The following NFIA variants were observed in gnomAD, a reference collection of about 807,000 sequenced individuals.
NFIA encodes the protein nuclear factor 1 A-type.
In NFIA, 8 loss-of-function variants were observed where a neutral mutation model predicts 62.8. The observed-to-expected ratio is 0.13, with a 90% confidence interval of 0.07 to 0.23. The LOEUF (loss-of-function observed/expected upper bound fraction) is 0.23, where lower values mean the gene tolerates loss of function less well. Among genes scored for constraint, NFIA ranks in the 10% least tolerant of loss-of-function variants. The pLI, the probability that NFIA is intolerant of heterozygous loss-of-function variation, is 1.00. For synonymous variants in NFIA, 235 were observed against 238.1 expected (o/e 0.99, Z 0.12); for missense variants, 410 against 642.1 (o/e 0.64, Z 3.91).
intron 3 of NFIA, among the ~76,000 whole-genome samples, chr1:61,296,319 CT>C (rs537419251): frequency 9.2e-5 from 14 of 152,216 alleles, no homozygotes; most frequent in African/African-American, 3.4e-4. Flanking sequence ...AATCTCCAGG[CT>C]TTTTTCTTAT....
chr1:61,396,384 A>G (rs1459142455), intron 7 of NFIA, among the ~76,000 whole-genome samples: 1 of 152,010 alleles, frequency 6.6e-6, no homozygotes, highest in Non-Finnish European at 1.5e-5. Context: ...AGCTGGAATT[A>G]CAGGCACCTG....
intron 2 of NFIA, among the ~76,000 whole-genome samples, chr1:61,147,797 T>G (rs1022514133): frequency 6.6e-6 from 1 of 152,144 alleles, no homozygotes; most frequent in Non-Finnish European, 1.5e-5. Context: ...GCCCTGAAAC[T>G]TCGGTTGGAT....
chr1:61,242,762 T>C (rs530479571), intron 2 of NFIA, among the ~76,000 whole-genome samples: 1 of 152,334 alleles, frequency 6.6e-6, no homozygotes, highest in East Asian at 1.9e-4. Context: ...GATAAAACAT[T>C]TTATTTAATG....
At chr1:61,437,659 G>A (rs1055023573) in intron 10 of NFIA, among the ~76,000 whole-genome samples, 3 of 152,168 alleles carry the variant, frequency 2.0e-5, no homozygotes, top group Admixed American at 1.3e-4. Flanking sequence ...ATTGAAATAG[G>A]TATAATCCAT....
intron 10 of NFIA, among the ~76,000 whole-genome samples, chr1:61,450,929 T>G (rs1468893493): frequency 2.6e-5 from 4 of 152,200 alleles, no homozygotes; most frequent in African/African-American, 4.8e-5. Context: ...AAAAAGAGGA[T>G]GTAAAAAGCC....
intron 2 of NFIA, among the ~76,000 whole-genome samples, chr1:61,222,596 T>G (rs527853048): frequency 1.1e-4 from 16 of 152,210 alleles, no homozygotes; most frequent in African/African-American, 3.8e-4. Flanking sequence ...ACTTTAATGA[T>G]GGGTATTTAG....
intron 2 of NFIA, among the ~76,000 whole-genome samples, chr1:61,190,312 A>C (rs79457897): frequency 6.6e-6 from 1 of 152,182 alleles, no homozygotes; most frequent in Non-Finnish European, 1.5e-5. Context: ...CAGCAGCACC[A>C]TGAGGTTGGC....
At chr1:61,320,425 C>CA (rs1314761680) in intron 3 of NFIA, among the ~76,000 whole-genome samples, 1 of 152,180 alleles carries the variant, frequency 6.6e-6, no homozygotes, top group South Asian at 2.1e-4. Context: ...AAGAATTACA[C>CA]AAAAAATGAC....
rs1312617861 is a variant in NFIA at position 61,082,603 on chromosome 1, G to T, written c.-189G>T. On this transcript the variant is annotated 5_prime_UTR_variant, in exon 1 of 11. Transcript: ENST00000403491. Reference sequence around the variant, plus strand: ...CATGGAGCGGCAATAGCGCTGGCTGGCTGGCTGCAGTTGAGCCGACTTGGA... The same window carrying T: ...CATGGAGCGGCAATAGCGCTGGCTGTCTGGCTGCAGTTGAGCCGACTTGGA... 2 of 1,491,742 alleles carry T rather than the reference G, an allele frequency of 1.3e-6. No homozygotes were observed. The highest frequency in any genetic ancestry group is 2.8e-5 in the African/African-American group (2 of 71,470). 92.4% of individuals were successfully genotyped at this position (1,491,742 alleles called of 1,614,324 possible). A position where few individuals can be genotyped will look rare whatever the true frequency, so the allele number is the denominator to read the frequency against.
At chr1:61,217,112 A>G (rs1170131099) in intron 2 of NFIA, among the ~76,000 whole-genome samples, 1 of 145,918 alleles carries the variant, frequency 6.9e-6, no homozygotes, top group Admixed American at 6.9e-5. Flanking sequence ...GCTAGAGTGC[A>G]GTGGCGCAGT....
intron 6 of NFIA, among the ~76,000 whole-genome samples, chr1:61,374,127 C>T (rs1293974384): frequency 6.6e-6 from 1 of 152,080 alleles, no homozygotes; most frequent in Non-Finnish European, 1.5e-5. Context: ...ATAAGCCAAA[C>T]ATATGTATGA....
intron 2 of NFIA, among the ~76,000 whole-genome samples, chr1:61,242,372 T>C (rs1655399444): frequency 6.6e-6 from 1 of 152,084 alleles, no homozygotes. Flanking sequence ...GATTCCAAGG[T>C]AGATAGAAGA....
At chr1:61,182,844 A>G (rs55718193) in intron 2 of NFIA, among the ~76,000 whole-genome samples, 23,538 of 152,162 alleles carry the variant, frequency 0.15, 2,869 homozygotes, top group African/African-American at 0.32. Context: ...ATGTTATATG[A>G]ATGACAGTGA....
chr1:61,402,186 C>T (rs1665598481), intron 7 of NFIA, among the ~76,000 whole-genome samples: 1 of 151,794 alleles, frequency 6.6e-6, no homozygotes, highest in African/African-American at 2.4e-5. Flanking sequence ...TACAGGCACC[C>T]ACCACCACAC....
At chr1:61,176,546 GC>G (rs2100555112) in intron 2 of NFIA, among the ~76,000 whole-genome samples, 1 of 151,776 alleles carries the variant, frequency 6.6e-6, no homozygotes, top group Non-Finnish European at 1.5e-5. Context: ...TCCACTTAAA[GC>G]TTTTTTCATA....
At chr1:61,281,153 A>G (rs1232036906) in intron 3 of NFIA, among the ~76,000 whole-genome samples, 1 of 152,002 alleles carries the variant, frequency 6.6e-6, no homozygotes, top group East Asian at 1.9e-4. Context: ...GCAGCAGACT[A>G]TCTTGAATCC....
chr1:61,315,004 A>G (rs1660296004), intron 3 of NFIA, among the ~76,000 whole-genome samples: 1 of 152,182 alleles, frequency 6.6e-6, no homozygotes, highest in African/African-American at 2.4e-5. Context: ...CAGGCTGTAG[A>G]GAAACATTTT....
At chr1:61,291,264 A>T (rs1254751062) in intron 3 of NFIA, among the ~76,000 whole-genome samples, 2 of 152,160 alleles carry the variant, frequency 1.3e-5, no homozygotes, top group African/African-American at 4.8e-5. Context: ...GTTCTATCTG[A>T]GCAGAATTGA....
chr1:61,160,024 A>G (rs984640858), intron 2 of NFIA, among the ~76,000 whole-genome samples: 2 of 152,170 alleles, frequency 1.3e-5, no homozygotes, highest in African/African-American at 4.8e-5. Flanking sequence ...TAAGGCAGCA[A>G]GGACATTTGT....
Sources: gnomAD v4.1 joint callset for allele counts (sites outside exome capture counted in the v4.1 genomes callset) on GRCh38, gnomAD v4.1.1 for gene constraint, MANE v1.5 for transcripts, NCBI Gene and HGNC (gene_info 2026-07-23, HGNC 2026-07-21) for gene names.